The following ACOT11 variants were observed in gnomAD, a reference collection of about 807,000 sequenced individuals.
ACOT11 encodes acyl-CoA thioesterase 11, also known as acyl-coenzyme A thioesterase 11.
In ACOT11, 69 loss-of-function variants were observed where a neutral mutation model predicts 77.5. The observed-to-expected ratio is 0.89, with a 90% CI of 0.73 to 1.09. ACOT11 has a LOEUF of 1.09. ACOT11 is among the 50% of genes least tolerant of loss of function. ACOT11 has a pLI of 0.00. For missense variants in ACOT11, 766 were observed against 813.7 expected (o/e 0.94, Z 0.71); for synonymous variants, 279 against 313.0 (o/e 0.89, Z 1.15).
downstream of ACOT11, chr1:54,639,192 C>CA (rs71254226): frequency 0.13 from 7,114 of 53,098 alleles, 539 homozygotes; most frequent in Middle Eastern, 0.23. Context: ...GATACTGTCT[C>CA]AAAAAAAAAA....
chr1:54,573,910 T>A (rs751158017), intron 1 of ACOT11, among the ~76,000 whole-genome samples: 7 of 151,234 alleles, frequency 4.6e-5, no homozygotes, highest in Non-Finnish European at 8.8e-5. Context: ...ATGCCTGTAA[T>A]CCCAGCTACT....
At chr1:54,631,843 G>C (rs1402509689) in intron 16 of ACOT11, among the ~76,000 whole-genome samples, 1 of 152,166 alleles carries the variant, frequency 6.6e-6, no homozygotes, top group Non-Finnish European at 1.5e-5. Flanking sequence ...ATTAGCTTTC[G>C]ACAATGCTAA....
intron 3 of ACOT11, 44 bp downstream of exon 3, chr1:54,585,948 A>G (rs1005517295): frequency 1.2e-6 from 2 of 1,602,014 alleles, no homozygotes; most frequent in Admixed American, 1.7e-5. Context: ...GCTCCCTCCC[A>G]TCAGCCTGGG....
intron 7 of ACOT11, chr1:54,598,916 G>C (rs1393222984): frequency 6.7e-6 from 1 of 149,586 alleles, no homozygotes; most frequent in African/African-American, 2.5e-5. Context: ...AGGCCGAGGG[G>C]GGTGGATCAC....
chr1:54,614,937 C>CA (rs1644156155), downstream of ACOT11: 7 of 1,029,114 alleles, frequency 6.8e-6, no homozygotes, highest in East Asian at 5.1e-5. Context: ...GAAAGCAGAG[C>CA]GGGTGTGTGT....
chr1:54,608,792 G>A (rs1173803932), intron 15 of ACOT11, among the ~76,000 whole-genome samples, 165 bp from the exon 16 acceptor site: 2 of 151,970 alleles, frequency 1.3e-5, no homozygotes, highest in East Asian at 3.9e-4. Context: ...GGTCATGCTG[G>A]GCAACTGTGT....
chr1:54,554,574 C>CTTT (rs537160025), intron 1 of ACOT11, among the ~76,000 whole-genome samples: 106 of 151,264 alleles, frequency 7.0e-4, no homozygotes, highest in Admixed American at 1.6e-3. Flanking sequence ...CCAGGCTGGT[C>CTTT]TTGAACTCCT....
intron 12 of ACOT11, 134 bp from the exon 13 acceptor site, chr1:54,604,942 C>T (rs543337865): frequency 4.5e-5 from 42 of 937,904 alleles, no homozygotes; most frequent in Admixed American, 1.4e-4. Flanking sequence ...AGCTGAGACT[C>T]AGAGAGGTTG....
downstream of ACOT11, chr1:54,611,680 C>T (rs747143485): frequency 8.1e-6 from 13 of 1,613,926 alleles, no homozygotes; most frequent in African/African-American, 2.7e-5. Flanking sequence ...AGTGTTATCC[C>T]GGACGTAGAG....
exon 17 of ACOT11, chr1:54,636,288 A>C (rs563169387): frequency 6.6e-6 from 1 of 152,348 alleles, no homozygotes; most frequent in South Asian, 2.1e-4. Flanking sequence ...GAGTTCCCTT[A>C]GTATTTATTG....
chr1:54,563,090 T>A (rs1653602161), intron 1 of ACOT11, among the ~76,000 whole-genome samples: 1 of 151,844 alleles, frequency 6.6e-6, no homozygotes, highest in East Asian at 1.9e-4. Flanking sequence ...GCGGGGCCCG[T>A]CCGCTCCTCC....
chr1:54,585,695 G>A, intron 2 of ACOT11, 140 bp from the exon 3 acceptor site: 2 of 736,186 alleles, frequency 2.7e-6, no homozygotes, highest in South Asian at 1.7e-5. Flanking sequence ...AGGGGTGTAA[G>A]GAATGGTGGC....
Position 54,617,461 on chromosome 1 carries a change from T to TA in ACOT11, c.1629+9410dup, listed in dbSNP as rs35936174. Among the ~76,000 whole-genome samples, 863 of 133,990 alleles carry TA rather than the reference T, an allele frequency of 6.4e-3. 6 individuals are homozygous for TA. Among genetic ancestry groups the TA allele is most frequent in the East Asian group, 0.022 (101 of 4,644 alleles). The allele number at this position is 133,990 out of a possible 152,430, so 87.9% of individuals were successfully genotyped here. A position where few individuals can be genotyped will look rare whatever the true frequency, so the allele number is the denominator to read the frequency against. On this transcript the variant is annotated intron_variant, in intron 15 of 16. Coordinates refer to the ACOT11 transcript ENST00000371316. ...TGTACCTGATCATGTCACTTTCTGT[T>TA]AAAAAAAAAAAAAAAAAGGCCAGAA... is the stretch of plus-strand genomic sequence containing the variant.
At chr1:54,560,911 C>CG (rs1653452208) in intron 1 of ACOT11, among the ~76,000 whole-genome samples, 1 of 151,904 alleles carries the variant, frequency 6.6e-6, no homozygotes, top group East Asian at 1.9e-4. Context: ...TTAGTAGAGA[C>CG]GGGGTTTCAC....
At position 54,634,775 on chromosome 1, in the gene ACOT11, C is replaced by G. The variant is rs114200541; in HGVS notation, c.*46C>G. ...GCCAAGGAAGAGACTCTGGGAGGAT[C>G]CAGAGGACCCCCTGGTTGCAGCCAC... is the stretch of plus-strand genomic sequence containing the variant. On this transcript the variant is annotated 3_prime_UTR_variant, in exon 17 of 17. Transcript: ENST00000371316. 1.7e-3 allele frequency: 1,167 copies of G among 699,294 alleles called. 10 individuals carry two copies. The African/African-American group carries it at 0.018, about 11-fold the overall frequency. The allele number at this position is 699,294 out of a possible 1,614,324, so 43.3% of individuals were successfully genotyped here.
chr1:54,568,135 TGCA>T (rs1653800839), intron 1 of ACOT11, among the ~76,000 whole-genome samples: 2 of 152,294 alleles, frequency 1.3e-5, no homozygotes, highest in Non-Finnish European at 2.9e-5. Flanking sequence ...TCCGCAACCC[TGCA>T]CAGTCTTGTG....
downstream of ACOT11, chr1:54,611,897 T>G: frequency 1.2e-6 from 1 of 818,962 alleles, no homozygotes; most frequent in Non-Finnish European, 1.9e-6. Context: ...TCCTACCCCT[T>G]CCCAAGGGCA....
At chr1:54,592,886 T>C (rs1460197879) in intron 4 of ACOT11, among the ~76,000 whole-genome samples, 3 of 152,152 alleles carry the variant, frequency 2.0e-5, no homozygotes, top group Non-Finnish European at 4.4e-5. Flanking sequence ...TCCAGGCCCC[T>C]GAGTCTCACA....
At chr1:54,594,744 C>G (rs779067904) in intron 6 of ACOT11, 53 bp downstream of exon 6, 675 of 1,563,820 alleles carry the variant, frequency 4.3e-4, no homozygotes, top group Non-Finnish European at 5.3e-4. Context: ...CTGCATGGCC[C>G]CTCTGCCCCG....
Sources: gnomAD v4.1 joint callset for allele counts (sites outside exome capture counted in the v4.1 genomes callset) on GRCh38, gnomAD v4.1.1 for gene constraint, MANE v1.5 for transcripts, NCBI Gene and HGNC (gene_info 2026-07-23, HGNC 2026-07-21) for gene names.